The following CACNG3 variants were observed in gnomAD, a reference collection of about 807,000 sequenced individuals.
The protein encoded by CACNG3 is calcium voltage-gated channel auxiliary subunit gamma 3.
A neutral mutation model predicts 28.5 loss-of-function variants in CACNG3; 3 were observed. That is an observed-to-expected ratio of 0.11 (90% CI 0.05 to 0.27). The LOEUF is 0.27. CACNG3 is among the 10% of genes least tolerant of loss of function. CACNG3 has a pLI of 1.00. For synonymous variants in CACNG3, 174 were observed against 162.2 expected (o/e 1.07, Z -0.55); for missense variants, 236 against 414.4 (o/e 0.57, Z 3.74).
chr16:24,270,499 C>G (rs1898672299), intron 1 of CACNG3, among the ~76,000 whole-genome samples: 1 of 152,200 alleles, frequency 6.6e-6, no homozygotes, highest in Non-Finnish European at 1.5e-5. Flanking sequence ...TTAATCTGAG[C>G]CAGAGGTCTG....
chr16:24,313,659 A>C (rs1012799245), intron 1 of CACNG3, among the ~76,000 whole-genome samples: 16 of 152,164 alleles, frequency 1.1e-4, no homozygotes, highest in East Asian at 3.9e-4. Context: ...AAGGTCTTAT[A>C]ATTTTCTCCA....
intron 3 of CACNG3, among the ~76,000 whole-genome samples, chr16:24,355,722 A>G (rs1271505801): frequency 2.0e-5 from 3 of 152,138 alleles, no homozygotes; most frequent in Admixed American, 6.5e-5. Context: ...TCACCATTTT[A>G]TACCCTCCTC....
intron 1 of CACNG3, among the ~76,000 whole-genome samples, chr16:24,344,911 G>A (rs995840526): frequency 3.9e-5 from 6 of 152,108 alleles, no homozygotes; most frequent in Admixed American, 2.0e-4. Flanking sequence ...TTGAAACCTG[G>A]ATCCAAAAAT....
intron 1 of CACNG3, among the ~76,000 whole-genome samples, chr16:24,259,570 G>A (rs1156729605): frequency 6.6e-6 from 1 of 152,136 alleles, no homozygotes; most frequent in East Asian, 1.9e-4. Flanking sequence ...TTGTTCTTCT[G>A]TGCTTTTTTA....
chr16:24,302,486 G>T (rs1238496170), intron 1 of CACNG3, among the ~76,000 whole-genome samples: 1 of 151,832 alleles, frequency 6.6e-6, no homozygotes, highest in Admixed American at 6.6e-5. Flanking sequence ...ATGGAGTCTT[G>T]CTCTGTTGCC....
chr16:24,297,124 G>T (rs1899041494), intron 1 of CACNG3, among the ~76,000 whole-genome samples: 1 of 152,168 alleles, frequency 6.6e-6, no homozygotes, highest in East Asian at 1.9e-4. Context: ...GCAAGGTGTT[G>T]CAAGACTGTG....
At chr16:24,266,594 G>C (rs1001950167) in intron 1 of CACNG3, among the ~76,000 whole-genome samples, 2 of 152,186 alleles carry the variant, frequency 1.3e-5, no homozygotes, top group African/African-American at 4.8e-5. Flanking sequence ...AAAGAACAGA[G>C]GAGCCAGTGA....
chr16:24,263,188 C>A (rs1279548829), intron 1 of CACNG3, among the ~76,000 whole-genome samples: 1 of 151,904 alleles, frequency 6.6e-6, no homozygotes, highest in Non-Finnish European at 1.5e-5. Context: ...GGAGATAACC[C>A]CAAATGTTGT....
At chr16:24,308,872 A>G (rs1297310707) in intron 1 of CACNG3, among the ~76,000 whole-genome samples, 2 of 150,610 alleles carry the variant, frequency 1.3e-5, no homozygotes, top group Non-Finnish European at 3.0e-5. Flanking sequence ...AAAAAAGAAA[A>G]GAAAAAAGAA....
At chr16:24,318,412 A>G (rs1183553403) in intron 1 of CACNG3, among the ~76,000 whole-genome samples, 1 of 152,148 alleles carries the variant, frequency 6.6e-6, no homozygotes, top group Non-Finnish European at 1.5e-5. Context: ...GGCTGGTCTC[A>G]AAGTCCTGAC....
At chr16:24,269,777 G>GAAAGAAAGAA (rs1415656715) in intron 1 of CACNG3, among the ~76,000 whole-genome samples, 1 of 129,638 alleles carries the variant, frequency 7.7e-6, no homozygotes, top group South Asian at 2.4e-4. Flanking sequence ...AGAGAAAGAA[G>GAAAGAAAGAA]AAAGAAAGAA....
chr16:24,257,427 G>GAT (rs1567427635), intron 1 of CACNG3, among the ~76,000 whole-genome samples: 15 of 115,290 alleles, frequency 1.3e-4, no homozygotes, highest in South Asian at 2.8e-4. Flanking sequence ...GAGAGAGAGA[G>GAT]ATCCTGACCC....
intron 2 of CACNG3, among the ~76,000 whole-genome samples, chr16:24,347,345 G>A (rs1309572523): frequency 6.6e-6 from 1 of 151,714 alleles, no homozygotes; most frequent in Non-Finnish European, 1.5e-5. Context: ...AGAAAGAAAA[G>A]GAGAATGAGA....
chr16:24,309,796 C>T lies in CACNG3; in HGVS notation c.212-36938C>T, dbSNP rs146945801. Among the ~76,000 whole-genome samples, 584 of 152,182 alleles carry T rather than the reference C, an allele frequency of 3.8e-3. 5 individuals carry two copies. The highest frequency in any genetic ancestry group is 0.031 in the Admixed American group (466 of 15,274). ...GGGAATACAGAGGAGGAGATGTATT[C>T]CAGGCAGAGGGCGTGGCGCATGCTA... On this transcript the variant is annotated intron_variant, in intron 1 of 3. Transcript: ENST00000005284.
chr16:24,351,272 A>G (rs1201002019), intron 2 of CACNG3, among the ~76,000 whole-genome samples: 1 of 152,084 alleles, frequency 6.6e-6, no homozygotes, highest in East Asian at 1.9e-4. Flanking sequence ...AGCCTGTTAG[A>G]AAATTGGGCC....
intron 2 of CACNG3, among the ~76,000 whole-genome samples, chr16:24,352,353 A>G (rs1280948289): frequency 2.0e-5 from 3 of 151,822 alleles, no homozygotes; most frequent in Non-Finnish European, 4.4e-5. Context: ...TTCACTCAGC[A>G]CCTAAGACCA....
intron 1 of CACNG3, among the ~76,000 whole-genome samples, chr16:24,286,703 T>C (rs1898900267): frequency 6.6e-6 from 1 of 152,188 alleles, no homozygotes; most frequent in Non-Finnish European, 1.5e-5. Flanking sequence ...AAGAGATAGG[T>C]GCTATTACCA....
intron 1 of CACNG3, among the ~76,000 whole-genome samples, chr16:24,302,639 TG>T (rs2141360811): frequency 1.7e-5 from 1 of 58,082 alleles, no homozygotes; most frequent in Admixed American, 1.7e-4. Flanking sequence ...TGTTTGTTTT[TG>T]TTTTGTTTTG....
At chr16:24,314,423 G>A (rs1370329722) in intron 1 of CACNG3, among the ~76,000 whole-genome samples, 6 of 152,122 alleles carry the variant, frequency 3.9e-5, no homozygotes, top group African/African-American at 1.4e-4. Context: ...GGGTGATCGA[G>A]CTCCAGGCCA....
Sources: gnomAD v4.1 joint callset for allele counts (sites outside exome capture counted in the v4.1 genomes callset) on GRCh38, gnomAD v4.1.1 for gene constraint, MANE v1.5 for transcripts, NCBI Gene and HGNC (gene_info 2026-07-23, HGNC 2026-07-21) for gene names.